Variants in ERCC8 observed in about 807,000 individuals in gnomAD.
ERCC8 encodes the protein DNA excision repair protein ERCC-8.
A neutral mutation model predicts 54.9 loss-of-function variants in ERCC8; 52 were observed. That is an observed-to-expected ratio of 0.95 (90% CI 0.76 to 1.19). ERCC8 has a LOEUF of 1.19. Among genes scored for constraint, ERCC8 ranks in the 50% most tolerant of loss-of-function variants. ERCC8 has a pLI of 0.00. For synonymous variants in ERCC8, 146 were observed against 157.2 expected (o/e 0.93, Z 0.53); for missense variants, 514 against 466.1 (o/e 1.10, Z -0.95).
intron 11 of ERCC8, among the ~76,000 whole-genome samples, chr5:60,884,417 A>G (rs1367987705): frequency 2.7e-5 from 4 of 147,276 alleles, no homozygotes; most frequent in African/African-American, 1.0e-4. Flanking sequence ...CGGAGCTTGC[A>G]GTGAACCGAG....
At chr5:60,914,030 A>G (rs531934631) in intron 4 of ERCC8, among the ~76,000 whole-genome samples, 4 of 152,266 alleles carry the variant, frequency 2.6e-5, no homozygotes. Context: ...CAATTCTGGA[A>G]TAAGTGCAAT....
At chr5:60,892,500 C>T (rs1049025254) in intron 9 of ERCC8, 9 of 587,634 alleles carry the variant, frequency 1.5e-5, no homozygotes, top group Non-Finnish European at 3.0e-5. Context: ...CCCGCTCACC[C>T]AGTCAGCTAG....
intron 4 of ERCC8, among the ~76,000 whole-genome samples, chr5:60,911,171 A>G (rs1749248356): frequency 6.6e-6 from 1 of 151,972 alleles, no homozygotes; most frequent in South Asian, 2.1e-4. Context: ...TTAACTCATC[A>G]TTTACATTAG....
intron 11 of ERCC8, among the ~76,000 whole-genome samples, chr5:60,880,315 A>G (rs1177680140): frequency 6.6e-6 from 1 of 152,024 alleles, no homozygotes; most frequent in African/African-American, 2.4e-5. Flanking sequence ...CCTTCATTTC[A>G]GCTTTAGTGA....
At chr5:60,921,773 T>C (rs1183936322) in intron 3 of ERCC8, among the ~76,000 whole-genome samples, 1 of 151,898 alleles carries the variant, frequency 6.6e-6, no homozygotes, top group Non-Finnish European at 1.5e-5. Context: ...AGATGTGCTA[T>C]GTAGGTAAAG....
rs145610983 is a variant in ERCC8 at position 60,903,689 on chromosome 5, A to G, written c.509T>C (p.Leu170Pro). 6 of 1,612,872 alleles carry G rather than the reference A, an allele frequency of 3.7e-6. No individual in the cohort carries two copies. The Admixed American group carries it at 5.0e-5, about 13-fold the overall frequency. ...ACAGGATCCAGACTTCAAGTCACAA[A>G]GTTGTACTTTGGGTCCTCTAGTACC... is the stretch of plus-strand genomic sequence containing the variant. The part of the protein sequence containing the change: ...AVGTRGPKVQ[L>P]CDLKSGSCSH... Residue 170 changes from leucine (L) to proline (P), a missense_variant, in exon 6 of 12, where the codon CTT becomes CCT. Physicochemically the swap from Leu to Pro is moderately conservative, Grantham distance 98. Coordinates refer to ENST00000676185, the MANE Select transcript of ERCC8 (RefSeq NM_000082.4).
intron 4 of ERCC8, 160 bp downstream of exon 4, chr5:60,918,105 A>T: frequency 1.6e-6 from 1 of 630,830 alleles, no homozygotes; most frequent in Non-Finnish European, 2.9e-6. Context: ...TCAGCAGCAC[A>T]GCCAGGATAT....
At chr5:60,926,752 G>C (rs775188808) in intron 2 of ERCC8, among the ~76,000 whole-genome samples, 3 of 152,166 alleles carry the variant, frequency 2.0e-5, no homozygotes, top group South Asian at 2.1e-4. Context: ...AAACACTTTT[G>C]CTTCGTAATT....
At chr5:60,887,412 C>T (rs1470382357) in intron 11 of ERCC8, 28 bp downstream of exon 11, 1 of 1,511,486 alleles carries the variant, frequency 6.6e-7, no homozygotes, top group Middle Eastern at 1.7e-4. Flanking sequence ...TTAGAAGTCA[C>T]TGTACCATTT....
At chr5:60,917,411 C>CCAGGCTGAGTTTAGACAATGGGAAT in intron 4 of ERCC8, 1 of 152,086 alleles carries the variant, frequency 6.6e-6, no homozygotes, top group South Asian at 2.1e-4. Flanking sequence ...ACTTGGAATG[C>CCAGGCTGAGTTTAGACAATGGGAAT]CAGGCTGAGT....
chr5:60,921,452 A>G (rs930648959), intron 3 of ERCC8, among the ~76,000 whole-genome samples: 3 of 152,008 alleles, frequency 2.0e-5, no homozygotes, highest in African/African-American at 7.2e-5. Context: ...CAATGTCACA[A>G]AACATTTTAT....
chr5:60,868,039 G>A lies in ERCC8; in HGVS notation c.*6576C>T, dbSNP rs1008102806. On this transcript the variant is annotated 3_prime_UTR_variant, in exon 12 of 12. Coordinates refer to ENST00000676185, the MANE Select transcript of ERCC8 (RefSeq NM_000082.4). ...CTACTAAAAATACAAAATAAGCCAGGCATGGTGGCGCATGCCTGTAATCCC... is the reference window on the plus strand; with the variant it reads ...CTACTAAAAATACAAAATAAGCCAGACATGGTGGCGCATGCCTGTAATCCC... Among the ~76,000 whole-genome samples, 1 of 152,172 alleles carries A rather than the reference G, an allele frequency of 6.6e-6. No individual in the cohort carries two copies. The highest frequency in any genetic ancestry group is 1.5e-5 in the Non-Finnish European group (1 of 68,020).
At chr5:60,903,460 A>G in intron 6 of ERCC8, 188 bp downstream of exon 6, 1 of 893,790 alleles carries the variant, frequency 1.1e-6, no homozygotes, top group Non-Finnish European at 1.6e-6. Flanking sequence ...TGTTCATATA[A>G]ATGTGTTTTC....
chr5:60,943,014 T>C (rs1274949369), intron 1 of ERCC8, among the ~76,000 whole-genome samples: 1 of 152,098 alleles, frequency 6.6e-6, no homozygotes, highest in African/African-American at 2.4e-5. Context: ...CTCGCACATA[T>C]AATCCCGGCA....
chr5:60,915,657 T>C (rs541771971), intron 4 of ERCC8, among the ~76,000 whole-genome samples: 88 of 152,152 alleles, frequency 5.8e-4, no homozygotes, highest in African/African-American at 2.0e-3. Flanking sequence ...CACCCACATT[T>C]CTTGGCTTGT....
At chr5:60,889,383 GCTCA>G in intron 10 of ERCC8, among the ~76,000 whole-genome samples, 1 of 152,216 alleles carries the variant, frequency 6.6e-6, no homozygotes, top group South Asian at 2.1e-4. Context: ...TGTGAACACG[GCTCA>G]CTCAATCTCC....
chr5:60,878,573 T>C (rs1748093581), intron 11 of ERCC8, among the ~76,000 whole-genome samples: 2 of 152,252 alleles, frequency 1.3e-5, no homozygotes, highest in South Asian at 4.1e-4. Flanking sequence ...TATTCAGAGA[T>C]TCAACTTCTT....
At chr5:60,914,847 G>A (rs533676546) in intron 4 of ERCC8, among the ~76,000 whole-genome samples, 20 of 146,628 alleles carry the variant, frequency 1.4e-4, no homozygotes, top group Non-Finnish European at 3.0e-4. Flanking sequence ...CGTATCTATT[G>A]AGATGACTAA....
intron 1 of ERCC8, among the ~76,000 whole-genome samples, chr5:60,934,980 G>A (rs1179723871): frequency 3.3e-5 from 5 of 152,180 alleles, no homozygotes; most frequent in African/African-American, 1.2e-4. Context: ...TTATAGTATA[G>A]TTTGAAGAAG....
Sources: gnomAD v4.1 joint callset for allele counts (sites outside exome capture counted in the v4.1 genomes callset) on GRCh38, gnomAD v4.1.1 for gene constraint, MANE v1.5 for transcripts, NCBI Gene and HGNC (gene_info 2026-07-23, HGNC 2026-07-21) for gene names.